The following GPR61 variants were observed in gnomAD, a reference collection of about 807,000 sequenced individuals.
GPR61 encodes G protein-coupled receptor 61.
Under a neutral mutation model 29.2 loss-of-function variants are expected in GPR61, and 15 were observed. That is an observed-to-expected ratio of 0.51 (90% CI 0.34 to 0.79). The LOEUF (loss-of-function observed/expected upper bound fraction) is 0.79. GPR61 is among the 30% of genes least tolerant of loss of function. The pLI is 0.01. For missense variants in GPR61, 399 were observed against 582.5 expected (o/e 0.69, Z 3.24); for synonymous variants, 238 against 242.3 (o/e 0.98, Z 0.17).
Position 109,546,481 on chromosome 1 carries a change from G to A in GPR61, c.*2103G>A, listed in dbSNP as rs1048776329. On this transcript the variant is annotated 3_prime_UTR_variant, in exon 2 of 2. Coordinates refer to ENST00000527748, the MANE Select transcript of GPR61 (RefSeq NM_001393907.1). ...TGAGCCCAATGGAAGGAGGAAAGGC[G>A]AGTGTACGTGGTGGGAGGAGGAAGG... 1 of 152,280 alleles carries A rather than the reference G, an allele frequency of 6.6e-6. No individual in the cohort carries two copies. Among genetic ancestry groups the A allele is most frequent in the African/African-American group, 2.4e-5 (1 of 41,462 alleles). 9.4% of individuals were successfully genotyped at this position (152,280 alleles called of 1,614,324 possible). A position where few individuals can be genotyped will look rare whatever the true frequency, so the allele number is the denominator to read the frequency against.
rs1428403647 is a variant in GPR61 at position 109,546,831 on chromosome 1, G to A, written c.*2453G>A. 2 of 152,194 alleles carry A rather than the reference G, an allele frequency of 1.3e-5. No individual in the cohort carries two copies. The highest frequency in any genetic ancestry group is 2.9e-5 in the Non-Finnish European group (2 of 68,038). The allele number at this position is 152,194 out of a possible 1,614,324, so 9.4% of individuals were successfully genotyped here. A position where few individuals can be genotyped will look rare whatever the true frequency, so the allele number is the denominator to read the frequency against. On this transcript the variant is annotated 3_prime_UTR_variant, in exon 2 of 2. Transcript: ENST00000527748. ...TCCAGGAGTTTTCTAGTCACCAGAT[G>A]CCTTGGTAAAGTTCAATACGTAATC...
chr1:109,540,082 C>G (rs1257925509), intron 1 of GPR61, 129 bp downstream of exon 1: 1 of 152,270 alleles, frequency 6.6e-6, no homozygotes, highest in East Asian at 1.9e-4. Context: ...GCAGTTTGAT[C>G]AGGAGATGGG....
At chr1:109,541,641 G>A (rs1647645513) in intron 1 of GPR61, among the ~76,000 whole-genome samples, 1 of 152,232 alleles carries the variant, frequency 6.6e-6, no homozygotes, top group Non-Finnish European at 1.5e-5. Flanking sequence ...ACTGTAGTAA[G>A]TCTAGAACCA....
Position 109,543,498 on chromosome 1 carries a change from T to G in GPR61, c.476T>G (p.Val159Gly). ...GAGGTGCGCATGACGCTGGGGCTGG[T>G]GGCCTCTGTGCTGGTGGGTGTGTGG... Reference protein sequence around the residue: ...RYEVRMTLGLVASVLVGVWVK... With the variant: ...RYEVRMTLGLGASVLVGVWVK... Residue 159 changes from valine (V) to glycine (G), a missense_variant, in exon 2 of 2, where the codon GTG (valine) becomes GGG (glycine). Physicochemically the swap from Val to Gly is moderately radical, Grantham distance 109. Coordinates refer to ENST00000527748, the MANE Select transcript of GPR61 (RefSeq NM_001393907.1). The surrounding 1 kb of genome is among the most constrained non-coding windows in gnomAD (Gnocchi z 6.8). 6.2e-7 allele frequency: 1 copy of G among 1,614,086 alleles called. No homozygotes were observed. Among genetic ancestry groups the G allele is most frequent in the Non-Finnish European group, 8.5e-7 (1 of 1,179,970 alleles).
At chr1:109,540,438 A>G (rs932721609) in intron 1 of GPR61, among the ~76,000 whole-genome samples, 2 of 152,202 alleles carry the variant, frequency 1.3e-5, no homozygotes, top group Non-Finnish European at 2.9e-5. Context: ...AAACAGGTGC[A>G]TGTGAATCCC....
At position 109,543,469 on chromosome 1, in the gene GPR61, C is replaced by T. The variant is rs1166133736; in HGVS notation, c.447C>T (p.Arg149=). 8.1e-6 allele frequency: 13 copies of T among 1,613,754 alleles called. No individual in the cohort carries two copies. In the Admixed American group the frequency reaches 2.2e-4, roughly 27 times the overall value. Residue 149 remains arginine, a synonymous_variant, in exon 2 of 2, where the codon CGC becomes CGT. Transcript: ENST00000527748. This position sits in a 1 kb window ranked among gnomAD's most constrained non-coding sequence, Gnocchi z 6.8. The part of the protein sequence containing the change: ...ERYYYVVHPM[R]YEVRMTLGLV... ...ACTATTACGTAGTCCACCCCATGCG[C>T]TACGAGGTGCGCATGACGCTGGGGC...
At chr1:109,541,570 A>G (rs1647643141) in intron 1 of GPR61, among the ~76,000 whole-genome samples, 1 of 152,240 alleles carries the variant, frequency 6.6e-6, no homozygotes, top group Admixed American at 6.5e-5. Context: ...TTGCAGCCAT[A>G]GAAATGATGG....
At position 109,543,653 on chromosome 1, in the gene GPR61, G is replaced by A; in HGVS notation, c.631G>A (p.Val211Ile). Residue 211 changes from valine to isoleucine, a missense_variant, in exon 2 of 2, where the codon GTC becomes ATC. Val to Ile is a conservative substitution (Grantham distance 29, BLOSUM62 3). Coordinates refer to ENST00000527748, the MANE Select transcript of GPR61 (RefSeq NM_001393907.1). This position sits in a 1 kb window ranked among gnomAD's most constrained non-coding sequence, Gnocchi z 6.8. ...HSAYCQLFVV[V>I]FAVLYFLLPL... ...TGCCTACTGCCAGCTTTTTGTGGTG[G>A]TCTTTGCTGTCCTTTACTTTCTGTT... The A allele has an allele frequency of 1.2e-6, 2 of 1,614,056 alleles. No individual in the cohort carries two copies. Among genetic ancestry groups the A allele is most frequent in the Non-Finnish European group, 1.7e-6 (2 of 1,180,032 alleles).
rs1571141319 is a variant in GPR61 at position 109,544,728 on chromosome 1, C to A, written c.*350C>A. 4 of 271,074 alleles carry A rather than the reference C, an allele frequency of 1.5e-5. No individual in the cohort carries two copies. The East Asian group carries it at 3.0e-4, about 20-fold the overall frequency. 16.8% of individuals were successfully genotyped at this position (271,074 alleles called of 1,614,324 possible). On this transcript the variant is annotated 3_prime_UTR_variant, in exon 2 of 2. Transcript: ENST00000527748. The surrounding 1 kb of genome is among the most constrained non-coding windows in gnomAD (Gnocchi z 4.6). ...GTAGGAGTTGGAGGATACAGGGCAGCAGGCCAGGTTTGGAGTTATTCTAGG... is the reference window on the plus strand; with the variant it reads ...GTAGGAGTTGGAGGATACAGGGCAGAAGGCCAGGTTTGGAGTTATTCTAGG...
At position 109,543,853 on chromosome 1, in the gene GPR61, C is replaced by A. The variant is rs541186557; in HGVS notation, c.831C>A (p.His277Gln). ...TSSGAPQTTPHRTFGGGKAAV... is the reference protein window; with the variant it reads ...TSSGAPQTTPQRTFGGGKAAV... Reference sequence around the variant, plus strand: ...CGGGGGCCCCCCAGACCACCCCACACCGGACGTTTGGGGGAGGGAAAGCAG... The same window carrying A: ...CGGGGGCCCCCCAGACCACCCCACAACGGACGTTTGGGGGAGGGAAAGCAG... The change falls in exon 2 of 2, where the codon CAC (histidine) becomes CAA (glutamine). Residue 277 changes from histidine (H) to glutamine (Q), a missense_variant. By Grantham distance (24) the His-to-Gln change is conservative. This residue lies in a region of GPR61 where 320 missense variants were observed against 459.8 expected (regional missense o/e 0.70). Coordinates refer to ENST00000527748, the MANE Select transcript of GPR61 (RefSeq NM_001393907.1). This position sits in a 1 kb window ranked among gnomAD's most constrained non-coding sequence, Gnocchi z 6.8. 4 of 1,613,242 alleles carry A rather than the reference C, an allele frequency of 2.5e-6. No individual in the cohort carries two copies. Among genetic ancestry groups the A allele is most frequent in the Non-Finnish European group, 2.5e-6 (3 of 1,180,048 alleles).
In GPR61 at chr1:109,544,193, CCTT is replaced by C. The variant is rs750301086; in HGVS notation, c.1174_1176del (p.Ser392del). On this transcript the variant is annotated inframe_deletion, in exon 2 of 2. Coordinates refer to ENST00000527748, the MANE Select transcript of GPR61 (RefSeq NM_001393907.1). The surrounding 1 kb of genome is among the most constrained non-coding windows in gnomAD (Gnocchi z 4.6). Reference sequence around the variant, plus strand: ...GCAGTTCCTTCAGGGGACTGGCTGTCCTTCTGAGTCCTGGGTTTCCCGACCCCT... The same window carrying C: ...GCAGTTCCTTCAGGGGACTGGCTGTCCTGAGTCCTGGGTTTCCCGACCCCT... The C allele has an allele frequency of 6.2e-7, 1 of 1,614,108 alleles. No homozygotes were observed. The highest frequency in any genetic ancestry group is 2.2e-5 in the East Asian group (1 of 44,872).
At position 109,544,080 on chromosome 1, in the gene GPR61, G is replaced by A. The variant is rs1647726143; in HGVS notation, c.1058G>A (p.Ser353Asn). ...CLNRQIRGEL[S>N]KQFVCFFKPA... ...AACCGGCAGATCCGGGGGGAGCTCAGCAAGCAGTTTGTCTGCTTCTTCAAG... is the reference window on the plus strand; with the variant it reads ...AACCGGCAGATCCGGGGGGAGCTCAACAAGCAGTTTGTCTGCTTCTTCAAG... The change falls in exon 2 of 2, where the codon AGC becomes AAC. Residue 353 changes from serine to asparagine, a missense_variant. Ser to Asn is a conservative substitution (Grantham distance 46, BLOSUM62 1). Transcript: ENST00000527748. The surrounding 1 kb of genome is among the most constrained non-coding windows in gnomAD (Gnocchi z 4.6). 1 of 1,614,198 alleles carries A rather than the reference G, an allele frequency of 6.2e-7. No individual in the cohort carries two copies.
rs754752179 is a variant in GPR61, at chr1:109,546,754, TTC to T, written c.*2380_*2381del. ...AGTGGATCATGAAGGAAATAAAAAT[TTC>T]TCTTTTATTATGCTGAGAACTTTCC... On this transcript the variant is annotated 3_prime_UTR_variant, in exon 2 of 2. Transcript: ENST00000527748. 2 of 152,180 alleles carry T rather than the reference TTC, an allele frequency of 1.3e-5. No homozygotes were observed. Among genetic ancestry groups the T allele is most frequent in the East Asian group, 3.8e-4 (2 of 5,200 alleles). The allele number at this position is 152,180 out of a possible 1,614,324, so 9.4% of individuals were successfully genotyped here. A position where few individuals can be genotyped will look rare whatever the true frequency, so the allele number is the denominator to read the frequency against.
At chr1:109,542,338 C>A in intron 1 of GPR61, 84 bp from the exon 2 acceptor site, 1 of 248,662 alleles carries the variant, frequency 4.0e-6, no homozygotes, top group Non-Finnish European at 8.2e-6. Context: ...AATGCTACTG[C>A]TTGTCATTAG....
Position 109,543,664 on chromosome 1 carries a change from C to T in GPR61, c.642C>T (p.Val214=), listed in dbSNP as rs1647706786. The part of the protein sequence containing the change: ...YCQLFVVVFA[V]LYFLLPLLLI... Reference sequence around the variant, plus strand: ...AGCTTTTTGTGGTGGTCTTTGCTGTCCTTTACTTTCTGTTGCCCCTGCTCC... The same window carrying T: ...AGCTTTTTGTGGTGGTCTTTGCTGTTCTTTACTTTCTGTTGCCCCTGCTCC... Residue 214 remains valine (V), a synonymous_variant, in exon 2 of 2, where the codon GTC becomes GTT. Coordinates refer to ENST00000527748, the MANE Select transcript of GPR61 (RefSeq NM_001393907.1). The surrounding 1 kb of genome is among the most constrained non-coding windows in gnomAD (Gnocchi z 6.8). The T allele has an allele frequency of 6.2e-7, 1 of 1,613,950 alleles. No homozygotes were observed. The highest frequency in any genetic ancestry group is 1.3e-5 in the African/African-American group (1 of 74,932).
rs1265488755 is a variant in GPR61, at chr1:109,543,054, G to A, written c.32G>A (p.Gly11Glu). The A allele has an allele frequency of 2.6e-6, 4 of 1,549,412 alleles. No individual in the cohort carries two copies. The highest frequency in any genetic ancestry group is 3.5e-6 in the Non-Finnish European group (4 of 1,146,638). ...TCCTCACCCATCCCCCAGTCATCAGGGAACTCTTCCACTTTGGGGAGGGTC... is the reference window on the plus strand; with the variant it reads ...TCCTCACCCATCCCCCAGTCATCAGAGAACTCTTCCACTTTGGGGAGGGTC... MESSPIPQSS[G>E]NSSTLGRVPQ... The change falls in exon 2 of 2, where the codon GGG becomes GAG. Residue 11 changes from glycine (G) to glutamate (E), a missense_variant. Transcript: ENST00000527748. The surrounding 1 kb of genome is among the most constrained non-coding windows in gnomAD (Gnocchi z 6.8).
chr1:109,546,325 T>C lies in GPR61; in HGVS notation c.*1947T>C, dbSNP rs1205197423. 1 of 152,260 alleles carries C rather than the reference T, an allele frequency of 6.6e-6. No homozygotes were observed. Among genetic ancestry groups the C allele is most frequent in the South Asian group, 2.1e-4 (1 of 4,828 alleles). 9.4% of individuals were successfully genotyped at this position (152,260 alleles called of 1,614,324 possible). ...GAGAGTCCTTTGTGATTGAAAAACA[T>C]GTTCACCTCTCCTCCCTATTAAAAT... On this transcript the variant is annotated 3_prime_UTR_variant, in exon 2 of 2. Coordinates refer to ENST00000527748, the MANE Select transcript of GPR61 (RefSeq NM_001393907.1).
rs975280839 is a variant in GPR61, at chr1:109,545,294, G to A, written c.*916G>A. 16 of 152,302 alleles carry A rather than the reference G, an allele frequency of 1.1e-4. No individual in the cohort carries two copies. Among genetic ancestry groups the A allele is most frequent in the African/African-American group, 3.6e-4 (15 of 41,558 alleles). 9.4% of individuals were successfully genotyped at this position (152,302 alleles called of 1,614,324 possible). A position where few individuals can be genotyped will look rare whatever the true frequency, so the allele number is the denominator to read the frequency against. ...TAATCAGCCTGATCAATAATACTGCGAATCTTTTCTTTCCAGGACTGGCCT... is the reference window on the plus strand; with the variant it reads ...TAATCAGCCTGATCAATAATACTGCAAATCTTTTCTTTCCAGGACTGGCCT... On this transcript the variant is annotated 3_prime_UTR_variant, in exon 2 of 2. Transcript: ENST00000527748.
chr1:109,546,110 T>C lies in GPR61; in HGVS notation c.*1732T>C, dbSNP rs1466587472. The C allele has an allele frequency of 1.3e-5, 2 of 152,166 alleles. No homozygotes were observed. Among genetic ancestry groups the C allele is most frequent in the Non-Finnish European group, 2.9e-5 (2 of 68,028 alleles). 9.4% of individuals were successfully genotyped at this position (152,166 alleles called of 1,614,324 possible). A position where few individuals can be genotyped will look rare whatever the true frequency, so the allele number is the denominator to read the frequency against. On this transcript the variant is annotated 3_prime_UTR_variant, in exon 2 of 2. Transcript: ENST00000527748. Reference sequence around the variant, plus strand: ...TGCATACCTTGAAGCTTCCTGCAGATTGTGGAAAGCATAGGGGTTGTAAAT... The same window carrying C: ...TGCATACCTTGAAGCTTCCTGCAGACTGTGGAAAGCATAGGGGTTGTAAAT...
Sources: gnomAD v4.1 joint callset for allele counts (sites outside exome capture counted in the v4.1 genomes callset) on GRCh38, gnomAD v4.1.1 for gene constraint, gnomAD v4.1.1 regional missense constraint, Gnocchi (gnomAD v3.1) non-coding constraint, MANE v1.5 for transcripts, NCBI Gene and HGNC (gene_info 2026-07-23, HGNC 2026-07-21) for gene names.